Variants in ALK observed in about 807,000 individuals in gnomAD.
ALK encodes the protein ALK tyrosine kinase receptor.
ALK carries 74 observed loss-of-function variants against 163.1 expected under a neutral mutation model. The ratio of observed to expected loss-of-function variants is 0.45; its 90% CI spans 0.38 to 0.55. The LOEUF (loss-of-function observed/expected upper bound fraction) is 0.55. ALK is among the 20% of genes least tolerant of loss of function. The pLI is 0.00. For missense variants in ALK, 2,063 were observed against 2,105.3 expected, an observed-to-expected ratio of 0.98 and a Z score of 0.39; for synonymous variants, 960 against 843.2, an observed-to-expected ratio of 1.14 and a Z score of -2.40.
At chr2:29,284,469 A>G (rs1006291461) in intron 9 of ALK, among the ~76,000 whole-genome samples, 10 of 152,218 alleles carry the variant, frequency 6.6e-5, no homozygotes, top group African/African-American at 2.4e-4. Context: ...TATGAAAAAC[A>G]TACACATCTG....
chr2:29,540,604 A>C (rs1299304965), intron 3 of ALK, among the ~76,000 whole-genome samples: 2 of 142,630 alleles, frequency 1.4e-5, no homozygotes, highest in African/African-American at 5.2e-5. Context: ...AAAAAAAAAA[A>C]CCCTATAGGT....
intron 4 of ALK, among the ~76,000 whole-genome samples, chr2:29,509,811 T>A (rs545695520): frequency 6.6e-6 from 1 of 152,150 alleles, no homozygotes; most frequent in African/African-American, 2.4e-5. Context: ...AGAATAAAGG[T>A]AGGGTTGGGG....
intron 3 of ALK, among the ~76,000 whole-genome samples, chr2:29,642,953 G>A (rs1328802510): frequency 2.0e-5 from 3 of 152,146 alleles, no homozygotes; most frequent in African/African-American, 7.2e-5. Flanking sequence ...TACTATGTGA[G>A]ATTAAATCCA....
intron 23 of ALK, among the ~76,000 whole-genome samples, chr2:29,217,286 TGTG>T (rs1405692830): frequency 6.7e-6 from 1 of 150,076 alleles, no homozygotes; most frequent in Non-Finnish European, 1.5e-5. Context: ...GGTGCATGTC[TGTG>T]GTGTGTGTGA....
Position 29,920,544 on chromosome 2 carries a change from T to G in ALK, c.116A>C (p.Gln39Pro), listed in dbSNP as rs1667967646. ...AGSPAAGPPL[Q>P]PREPLSYSRL... ...CGAGTAGCTGAGTGGCTCCCGGGGC[T>G]GCAGCGGCGGCCCCGCAGCTGGGGA... Residue 39 changes from glutamine (Q) to proline (P), a missense_variant, in exon 1 of 29, where the codon CAG (glutamine) becomes CCG (proline). Gln to Pro is a moderately conservative substitution (Grantham distance 76). This residue lies in a region of ALK where 987 missense variants were observed against 939.5 expected (regional missense o/e 1.05). Coordinates refer to ENST00000389048, the MANE Select transcript of ALK (RefSeq NM_004304.5). 6.2e-7 allele frequency: 1 copy of G among 1,606,956 alleles called. No individual in the cohort carries two copies. Among genetic ancestry groups the G allele is most frequent in the Non-Finnish European group, 8.5e-7 (1 of 1,178,042 alleles).
At chr2:29,798,392 C>A (rs1459257174) in intron 1 of ALK, among the ~76,000 whole-genome samples, 1 of 152,192 alleles carries the variant, frequency 6.6e-6, no homozygotes, top group Non-Finnish European at 1.5e-5. Flanking sequence ...AATTAGAATT[C>A]TATTGCATTT....
At chr2:29,462,681 C>T (rs62131813) in intron 4 of ALK, among the ~76,000 whole-genome samples, 41,019 of 152,086 alleles carry the variant, frequency 0.27, 6,234 homozygotes, top group Non-Finnish European at 0.35. Context: ...GAGATACTTG[C>T]TTTATCGTGG....
At chr2:29,518,213 C>T (rs1035967411) in intron 4 of ALK, among the ~76,000 whole-genome samples, 1 of 152,216 alleles carries the variant, frequency 6.6e-6, no homozygotes, top group African/African-American at 2.4e-5. Flanking sequence ...AGCTCATACT[C>T]TTCCCAAATT....
intron 11 of ALK, among the ~76,000 whole-genome samples, chr2:29,257,130 T>C (rs1664968278): frequency 2.0e-5 from 3 of 151,880 alleles, no homozygotes; most frequent in Admixed American, 6.6e-5. Context: ...TGTAGGATGA[T>C]CAAATGGTCC....
intron 1 of ALK, among the ~76,000 whole-genome samples, chr2:29,826,953 G>C (rs1333545549): frequency 6.6e-6 from 1 of 152,246 alleles, no homozygotes; most frequent in East Asian, 1.9e-4. Flanking sequence ...TAATAGTGCA[G>C]CATTTCAAAA....
intron 1 of ALK, among the ~76,000 whole-genome samples, chr2:29,848,918 G>A (rs1013037652): frequency 3.9e-5 from 6 of 152,170 alleles, no homozygotes; most frequent in Non-Finnish European, 8.8e-5. Flanking sequence ...ATTGATTCAG[G>A]CAGCTCTACG....
chr2:29,637,730 CTT>C (rs1676580654), intron 3 of ALK, among the ~76,000 whole-genome samples: 1 of 97,950 alleles, frequency 1.0e-5, no homozygotes, highest in Admixed American at 9.4e-5. Flanking sequence ...AAAGAGGACT[CTT>C]TGTGGTGCTG....
chr2:29,422,268 C>T (rs1670033259), intron 4 of ALK, among the ~76,000 whole-genome samples: 3 of 151,442 alleles, frequency 2.0e-5, no homozygotes, highest in Admixed American at 1.3e-4. Context: ...CAAGTGAGTT[C>T]CAGGAGGGTT....
intron 3 of ALK, among the ~76,000 whole-genome samples, chr2:29,666,305 T>G (rs1299359090): frequency 2.0e-5 from 3 of 152,144 alleles, no homozygotes; most frequent in Non-Finnish European, 4.4e-5. Flanking sequence ...AGATGGTCGT[T>G]TCTAGGGTCC....
At chr2:29,632,777 GGCAAGGA>G (rs1676415145) in intron 3 of ALK, among the ~76,000 whole-genome samples, 1 of 152,202 alleles carries the variant, frequency 6.6e-6, no homozygotes. Flanking sequence ...CATGGTGGAA[GGCAAGGA>G]GGAGCAAGTC....
intron 3 of ALK, among the ~76,000 whole-genome samples, chr2:29,651,048 T>G (rs1177386867): frequency 6.6e-6 from 1 of 152,034 alleles, no homozygotes; most frequent in Non-Finnish European, 1.5e-5. Flanking sequence ...TCAGGGAGTG[T>G]GTGGCAGACA....
At chr2:29,891,646 G>T (rs1263439017) in intron 1 of ALK, among the ~76,000 whole-genome samples, 1 of 152,138 alleles carries the variant, frequency 6.6e-6, no homozygotes, top group Non-Finnish European at 1.5e-5. Context: ...ATAAGAAAAT[G>T]CTGAATTCTG....
At chr2:29,606,911 G>C (rs1456107240) in intron 3 of ALK, among the ~76,000 whole-genome samples, 2 of 152,248 alleles carry the variant, frequency 1.3e-5, no homozygotes, top group East Asian at 3.9e-4. Flanking sequence ...CACACTAGTT[G>C]CCCCTCTTAG....
chr2:29,220,785 G>C lies in ALK; in HGVS notation c.3566C>G (p.Ser1189Cys), dbSNP rs971799902. ...IVRCIGVSLQSLPRFILLELM... is the reference protein window; with the variant it reads ...IVRCIGVSLQCLPRFILLELM... ...CTCCAGCAGGATGAACCGGGGCAGGGATTGCAGGCTCACCCCAATGCAGCG... is the reference window on the plus strand; with the variant it reads ...CTCCAGCAGGATGAACCGGGGCAGGCATTGCAGGCTCACCCCAATGCAGCG... The change falls in exon 23 of 29, where the codon TCC (serine) becomes TGC (cysteine). Residue 1189 changes from serine (S) to cysteine (C), a missense_variant. Ser to Cys is a moderately radical substitution (Grantham distance 112). Coordinates refer to ENST00000389048, the MANE Select transcript of ALK (RefSeq NM_004304.5). The C allele has an allele frequency of 1.2e-6, 2 of 1,614,116 alleles. No homozygotes were observed. The highest frequency in any genetic ancestry group is 4.5e-5 in the East Asian group (2 of 44,884).
Sources: gnomAD v4.1 joint callset for allele counts (sites outside exome capture counted in the v4.1 genomes callset) on GRCh38, gnomAD v4.1.1 for gene constraint, gnomAD v4.1.1 regional missense constraint, MANE v1.5 for transcripts, NCBI Gene and HGNC (gene_info 2026-07-23, HGNC 2026-07-21) for gene names.